The following ARRB1 variants were observed in gnomAD, a reference collection of about 807,000 sequenced individuals.
ARRB1 encodes the protein beta-arrestin-1.
In ARRB1, 21 loss-of-function variants were observed where a neutral mutation model predicts 56.8. That is an observed-to-expected ratio of 0.37 (90% CI 0.26 to 0.53). The LOEUF (loss-of-function observed/expected upper bound fraction) is 0.53. Ranked by LOEUF, ARRB1 falls within the 20% of genes least tolerant of loss-of-function variation. The pLI, the probability that ARRB1 is intolerant of heterozygous loss-of-function variation, is 0.88. For missense variants in ARRB1, 424 were observed against 553.7 expected (o/e 0.77, Z 2.35); for synonymous variants, 210 against 218.6 (o/e 0.96, Z 0.35).
chr11:75,340,466 G>A (rs551385479), intron 1 of ARRB1, among the ~76,000 whole-genome samples: 3 of 152,378 alleles, frequency 2.0e-5, no homozygotes, highest in African/African-American at 7.2e-5. Context: ...GGGAGGAAAG[G>A]AGCAGGGAGG....
intron 1 of ARRB1, among the ~76,000 whole-genome samples, chr11:75,296,705 TCTCA>T (rs914447881): frequency 1.3e-5 from 2 of 151,136 alleles, no homozygotes; most frequent in African/African-American, 4.9e-5. Flanking sequence ...TGAGATGGAG[TCTCA>T]CTCTGTCACC....
chr11:75,316,324 CAA>C (rs11361682), intron 1 of ARRB1, among the ~76,000 whole-genome samples: 243 of 116,000 alleles, frequency 2.1e-3, no homozygotes, highest in African/African-American at 6.8e-3. Context: ...GAGACTCTGT[CAA>C]AAAAAAAAAA....
chr11:75,279,977 C>T (rs1320493323), intron 7 of ARRB1, among the ~76,000 whole-genome samples: 1 of 152,176 alleles, frequency 6.6e-6, no homozygotes, highest in Non-Finnish European at 1.5e-5. Flanking sequence ...CAAGGACGTA[C>T]TTCTTAGAGC....
Position 75,276,832 on chromosome 11 carries a change from C to T in ARRB1, c.776+7G>A. Reference sequence around the variant, plus strand: ...ATACGCCCAAGGCCAGACTTGTGCCCACTTACTCAGCCTCTTCCATGGCAA... The same window carrying T: ...ATACGCCCAAGGCCAGACTTGTGCCTACTTACTCAGCCTCTTCCATGGCAA... On this transcript the variant is annotated splice_region_variant and intron_variant, in intron 10 of 15. Transcript: ENST00000420843. The T allele has an allele frequency of 6.2e-7, 1 of 1,613,960 alleles. No homozygotes were observed. The highest frequency in any genetic ancestry group is 1.1e-5 in the South Asian group (1 of 91,080).
At chr11:75,302,727 T>G (rs1419793038) in intron 1 of ARRB1, among the ~76,000 whole-genome samples, 1 of 152,174 alleles carries the variant, frequency 6.6e-6, no homozygotes, top group Admixed American at 6.5e-5. Context: ...TGTAAAAACT[T>G]GATCCCCAGT....
chr11:75,335,193 G>T, intron 1 of ARRB1: 1 of 224,250 alleles, frequency 4.5e-6, no homozygotes, highest in South Asian at 6.2e-5. Context: ...TGAGGCTCCG[G>T]AAGACATTCC....
intron 1 of ARRB1, among the ~76,000 whole-genome samples, chr11:75,295,221 C>CAAAA (rs34666904): frequency 2.1e-4 from 15 of 73,054 alleles, no homozygotes; most frequent in South Asian, 5.7e-4. Flanking sequence ...AACCCTGTCT[C>CAAAA]AAAAAAAAAA....
rs571380736 is a variant in ARRB1 at position 75,297,281 on chromosome 11, A to C, written c.21-7242T>G. Among the ~76,000 whole-genome samples, 299 of 151,182 alleles carry C rather than the reference A, an allele frequency of 2.0e-3. 1 individual carries two copies. Among genetic ancestry groups the C allele is most frequent in the Non-Finnish European group, 3.1e-3 (213 of 67,834 alleles). Reference sequence around the variant, plus strand: ...CCAAACTATCTTGAAAAAAAAAAAAAATAGAACCAAGTTAGAAGACTCACA... The same window carrying C: ...CCAAACTATCTTGAAAAAAAAAAAACATAGAACCAAGTTAGAAGACTCACA... On this transcript the variant is annotated intron_variant, in intron 1 of 15. Transcript: ENST00000420843.
At chr11:75,318,350 G>T (rs961915720) in intron 1 of ARRB1, among the ~76,000 whole-genome samples, 1 of 151,966 alleles carries the variant, frequency 6.6e-6, no homozygotes, top group South Asian at 2.1e-4. Context: ...GTGGAGACAA[G>T]GTCTCACTAT....
At chr11:75,335,363 T>C (rs952554370) in intron 1 of ARRB1, among the ~76,000 whole-genome samples, 1 of 152,040 alleles carries the variant, frequency 6.6e-6, no homozygotes, top group African/African-American at 2.4e-5. Context: ...GACGGGAGGA[T>C]TGCTCGAGCC....
At chr11:75,351,552 C>G (rs1349974683) in intron 1 of ARRB1, 36 bp downstream of exon 1, 3 of 1,498,404 alleles carry the variant, frequency 2.0e-6, no homozygotes, top group Non-Finnish European at 2.7e-6. Context: ...AGGTCGCCCC[C>G]ACGCGCCCCC....
At chr11:75,272,748 G>T in intron 12 of ARRB1, 147 bp downstream of exon 12, 1 of 685,526 alleles carries the variant, frequency 1.5e-6, no homozygotes. Flanking sequence ...AGGAACAGAA[G>T]GGAGGAAAAG....
intron 1 of ARRB1, among the ~76,000 whole-genome samples, chr11:75,307,624 C>G (rs1423324904): frequency 1.3e-5 from 2 of 152,204 alleles, no homozygotes; most frequent in African/African-American, 4.8e-5. Context: ...TCCCTCTCCC[C>G]AGAAGCTCCC....
chr11:75,308,183 A>G (rs1414060870), intron 1 of ARRB1, among the ~76,000 whole-genome samples: 1 of 152,222 alleles, frequency 6.6e-6, no homozygotes, highest in African/African-American at 2.4e-5. Flanking sequence ...GCTATTAGTT[A>G]GCATCGATCC....
intron 1 of ARRB1, among the ~76,000 whole-genome samples, chr11:75,299,355 TTC>T (rs1946841211): frequency 6.6e-6 from 1 of 152,192 alleles, no homozygotes; most frequent in South Asian, 2.1e-4. Flanking sequence ...CCTATAATTT[TTC>T]TGTTATACAA....
intron 1 of ARRB1, among the ~76,000 whole-genome samples, chr11:75,333,046 C>A (rs542866): frequency 0.17 from 26,047 of 152,118 alleles, 2,333 homozygotes; most frequent in East Asian, 0.31. Context: ...CCAAGTTGTA[C>A]CCCGACCACC....
chr11:75,299,516 G>A (rs1340020275), intron 1 of ARRB1, among the ~76,000 whole-genome samples: 2 of 151,798 alleles, frequency 1.3e-5, no homozygotes, highest in Non-Finnish European at 2.9e-5. Flanking sequence ...TGATGTAAGA[G>A]TCTCTGGTTC....
chr11:75,280,979 A>C (rs762145793), intron 7 of ARRB1, 96 bp downstream of exon 7: 23 of 1,399,408 alleles, frequency 1.6e-5, no homozygotes, highest in Non-Finnish European at 2.3e-5. Context: ...CTCCTCACAC[A>C]CTTCCAGGTA....
intron 1 of ARRB1, among the ~76,000 whole-genome samples, chr11:75,333,120 C>G (rs1001860484): frequency 1.3e-5 from 2 of 152,222 alleles, no homozygotes; most frequent in Admixed American, 1.3e-4. Context: ...TCATATTTGG[C>G]TCAGAATAAA....
Sources: allele counts gnomAD v4.1 joint callset (sites outside exome capture counted in the v4.1 genomes callset), GRCh38; gene constraint gnomAD v4.1.1; transcripts MANE v1.5; gene names NCBI Gene and HGNC (gene_info 2026-07-23, HGNC 2026-07-21).